CHODL: variants seen among roughly 807,000 people sequenced by gnomAD.
The protein encoded by CHODL is transmembrane protein MT75.
CHODL carries 29 observed loss-of-function variants against 34.5 expected under a neutral mutation model. The observed-to-expected ratio is 0.84, with a 90% CI of 0.63 to 1.15. The LOEUF is 1.15. CHODL is among the 50% of genes most tolerant of loss of function. The pLI, the probability that CHODL is intolerant of heterozygous loss-of-function variation, is 0.00. For missense variants in CHODL, 332 were observed against 332.5 expected, an observed-to-expected ratio of 1.00 and a Z score of 0.01; for synonymous variants, 125 against 116.1, an observed-to-expected ratio of 1.08 and a Z score of -0.49.
intron 1 of CHODL, among the ~76,000 whole-genome samples, chr21:17,941,874 G>C (rs562990251): frequency 9.2e-5 from 14 of 152,218 alleles, no homozygotes; most frequent in Admixed American, 5.9e-4. Context: ...GTCATAGACT[G>C]CTGACTTCTA....
In CHODL at chr21:18,091,915, G is replaced by A. The variant is rs946798838; in HGVS notation, c.-45+63944G>A. On this transcript the variant is annotated intron_variant, in intron 2 of 6. Coordinates refer to the CHODL transcript ENST00000400127. ...GGAAGGACTTTGTATTGTGGTTTGA[G>A]TGCCAGCTTAGCTACAGTAGAATAG... 2.0e-5 allele frequency among the ~76,000 whole-genome samples: 3 copies of A among 152,176 alleles called. No individual in the cohort carries two copies. In the South Asian group the frequency reaches 6.2e-4, roughly 32 times the overall value.
chr21:18,241,105 G>A (rs1358244468), upstream of CHODL, among the ~76,000 whole-genome samples: 5 of 152,076 alleles, frequency 3.3e-5, no homozygotes, highest in Non-Finnish European at 4.4e-5. Flanking sequence ...TAAATCTCAG[G>A]TGAATTTGGC....
At chr21:18,018,731 G>A (rs1600900857) in intron 1 of CHODL, among the ~76,000 whole-genome samples, 1 of 152,334 alleles carries the variant, frequency 6.6e-6, no homozygotes, top group South Asian at 2.1e-4. Flanking sequence ...GGGAGAGGGT[G>A]TGGATTGAAA....
chr21:18,079,238 CTGAGT>C (rs1406262034), intron 2 of CHODL, among the ~76,000 whole-genome samples: 7 of 151,758 alleles, frequency 4.6e-5, no homozygotes, highest in Non-Finnish European at 1.0e-4. Context: ...AACTTTCTGT[CTGAGT>C]TATTTCACTT....
chr21:17,988,981 T>A (rs536642437), intron 1 of CHODL, among the ~76,000 whole-genome samples: 4 of 152,288 alleles, frequency 2.6e-5, no homozygotes, highest in African/African-American at 9.6e-5. Context: ...CACACTGACT[T>A]CCACAATGGT....
intron 1 of CHODL, among the ~76,000 whole-genome samples, chr21:18,246,675 G>C (rs1452996907): frequency 6.6e-6 from 1 of 152,166 alleles, no homozygotes; most frequent in East Asian, 1.9e-4. Context: ...TGAATGAAAA[G>C]CAGAGACCAT....
At chr21:18,248,897 T>C (rs2074191260) in intron 1 of CHODL, among the ~76,000 whole-genome samples, 2 of 118,418 alleles carry the variant, frequency 1.7e-5, no homozygotes, top group Non-Finnish European at 3.2e-5. Context: ...TATAATATAA[T>C]ACATATATAT....
At chr21:18,064,953 C>T (rs1260851605) in intron 2 of CHODL, among the ~76,000 whole-genome samples, 1 of 152,148 alleles carries the variant, frequency 6.6e-6, no homozygotes, top group Non-Finnish European at 1.5e-5. Flanking sequence ...GTCAGTGGGA[C>T]TAGTAATTAT....
At chr21:18,046,474 G>A (rs1177711376) in intron 2 of CHODL, among the ~76,000 whole-genome samples, 2 of 151,896 alleles carry the variant, frequency 1.3e-5, no homozygotes, top group African/African-American at 4.8e-5. Flanking sequence ...TAGAATGACA[G>A]GACCTGGCGA....
At chr21:18,047,592 A>G (rs902142129) in intron 2 of CHODL, among the ~76,000 whole-genome samples, 2 of 151,916 alleles carry the variant, frequency 1.3e-5, no homozygotes, top group Non-Finnish European at 2.9e-5. Context: ...GGAACACACC[A>G]TTGGCGCTCC....
intron 2 of CHODL, among the ~76,000 whole-genome samples, chr21:18,139,775 T>G (rs2072779695): frequency 6.6e-6 from 1 of 152,238 alleles, no homozygotes; most frequent in South Asian, 2.1e-4. Context: ...GTTTGCTGTA[T>G]GTACTATGTA....
At chr21:18,207,771 T>C (rs770365755) in intron 2 of CHODL, among the ~76,000 whole-genome samples, 11 of 151,642 alleles carry the variant, frequency 7.3e-5, no homozygotes, top group Non-Finnish European at 1.5e-4. Flanking sequence ...TCTAATACTT[T>C]AAATATCTCA....
chr21:18,105,559 G>A (rs1460655431), intron 2 of CHODL, among the ~76,000 whole-genome samples: 1 of 152,162 alleles, frequency 6.6e-6, no homozygotes, highest in East Asian at 1.9e-4. Flanking sequence ...CCACAGGGAA[G>A]TGGTAGCAGT....
rs545991462 is a variant in CHODL at position 18,172,581 on chromosome 21, T to C, written c.-44-83928T>C. Among the ~76,000 whole-genome samples the C allele has an allele frequency of 1.4e-3, 216 of 151,240 alleles. 1 individual carries two copies. Among genetic ancestry groups the C allele is most frequent in the African/African-American group, 4.6e-3 (192 of 41,356 alleles). On this transcript the variant is annotated intron_variant, in intron 2 of 6. Coordinates refer to the CHODL transcript ENST00000400127. ...TACCCAGATTCAGCCATTTTTTTTT[T>C]AATGGAATAAACATTCTTCAAATTG...
At chr21:18,253,334 T>C (rs931926392) in intron 1 of CHODL, among the ~76,000 whole-genome samples, 4 of 152,032 alleles carry the variant, frequency 2.6e-5, no homozygotes, top group African/African-American at 9.7e-5. Context: ...TAATATGACA[T>C]TTTTTGACAT....
intron 1 of CHODL, among the ~76,000 whole-genome samples, chr21:17,936,323 C>G (rs568714958): frequency 8.4e-4 from 128 of 152,146 alleles, no homozygotes; most frequent in Middle Eastern, 3.4e-3. Context: ...GTGACATAAC[C>G]TTAATGATTT....
rs184361928 is a variant in CHODL at position 18,222,385 on chromosome 21, A to G, written c.-44-34124A>G. On this transcript the variant is annotated intron_variant, in intron 2 of 6. Coordinates refer to the CHODL transcript ENST00000400127. ...GCTTCAGGGCAGGATGTAGTCTAGT[A>G]TGGGCTTTACTCAGAAAATAGTGGT... Among the ~76,000 whole-genome samples the G allele has an allele frequency of 3.7e-3, 558 of 152,244 alleles. 2 individuals carry two copies. Among genetic ancestry groups the G allele is most frequent in the African/African-American group, 0.013 (524 of 41,530 alleles).
At chr21:18,070,897 T>G (rs905853465) in intron 2 of CHODL, among the ~76,000 whole-genome samples, 4 of 152,078 alleles carry the variant, frequency 2.6e-5, no homozygotes, top group Non-Finnish European at 5.9e-5. Flanking sequence ...CCTTTTTTTT[T>G]TTGTTTACTC....
At chr21:18,181,479 T>G (rs1036634570) in intron 2 of CHODL, among the ~76,000 whole-genome samples, 6 of 152,324 alleles carry the variant, frequency 3.9e-5, no homozygotes, top group South Asian at 2.1e-4. Context: ...CTCGGCTCAC[T>G]GCAAGCTCCG....
Sources: allele counts gnomAD v4.1 joint callset (sites outside exome capture counted in the v4.1 genomes callset), GRCh38; gene constraint gnomAD v4.1.1; transcripts MANE v1.5; gene names NCBI Gene and HGNC (gene_info 2026-07-23, HGNC 2026-07-21).